FBXL7: variants seen among roughly 807,000 people sequenced by gnomAD.
FBXL7 encodes F-box/LRR-repeat protein 7.
FBXL7 carries 12 observed loss-of-function variants against 38.3 expected under a neutral mutation model. That is an observed-to-expected ratio of 0.31 (90% CI 0.20 to 0.51). The LOEUF is 0.51. Among genes scored for constraint, FBXL7 ranks in the 20% least tolerant of loss-of-function variants. The pLI, the probability that FBXL7 is intolerant of heterozygous loss-of-function variation, is 0.98. For missense variants in FBXL7, 567 were observed against 676.4 expected, an observed-to-expected ratio of 0.84 and a Z score of 1.79; for synonymous variants, 297 against 300.9, an observed-to-expected ratio of 0.99 and a Z score of 0.13.
At chr5:15,618,327 A>G (rs1418780447) in intron 2 of FBXL7, among the ~76,000 whole-genome samples, 1 of 152,200 alleles carries the variant, frequency 6.6e-6, no homozygotes, top group Non-Finnish European at 1.5e-5. Flanking sequence ...TCCCTATGAA[A>G]GATGCTGCCC....
chr5:15,709,640 C>G (rs1008737727), intron 2 of FBXL7, among the ~76,000 whole-genome samples: 1 of 151,774 alleles, frequency 6.6e-6, no homozygotes, highest in African/African-American at 2.4e-5. Flanking sequence ...GTCTTAGACA[C>G]CATGATCGTT....
chr5:15,722,021 G>A (rs776808734), intron 2 of FBXL7, among the ~76,000 whole-genome samples: 7 of 152,206 alleles, frequency 4.6e-5, no homozygotes, highest in Non-Finnish European at 1.0e-4. Context: ...TTGTAGTAGA[G>A]ACGGGGTTTC....
At chr5:15,824,755 T>G (rs1177950977) in intron 2 of FBXL7, among the ~76,000 whole-genome samples, 1 of 152,152 alleles carries the variant, frequency 6.6e-6, no homozygotes, top group Non-Finnish European at 1.5e-5. Context: ...CACTGGATGT[T>G]TTTTACACTA....
At chr5:15,731,775 T>G (rs1402081866) in intron 2 of FBXL7, among the ~76,000 whole-genome samples, 1 of 152,198 alleles carries the variant, frequency 6.6e-6, no homozygotes, top group Non-Finnish European at 1.5e-5. Context: ...ATTTTCTTGA[T>G]GAATCCCCGA....
intron 2 of FBXL7, among the ~76,000 whole-genome samples, chr5:15,851,484 T>A (rs959154930): frequency 6.6e-6 from 1 of 152,106 alleles, no homozygotes; most frequent in Non-Finnish European, 1.5e-5. Flanking sequence ...CTTAAATTAA[T>A]GAAATAATGG....
chr5:15,635,980 C>T (rs187127978), intron 2 of FBXL7, among the ~76,000 whole-genome samples: 161 of 150,972 alleles, frequency 1.1e-3, no homozygotes, highest in African/African-American at 3.8e-3. Context: ...GTAATAGTCT[C>T]TGAACTATTT....
chr5:15,761,243 A>G (rs1736431924), intron 2 of FBXL7, among the ~76,000 whole-genome samples: 1 of 152,134 alleles, frequency 6.6e-6, no homozygotes, highest in East Asian at 1.9e-4. Flanking sequence ...TTTTTTGAGT[A>G]GGTAATTTCC....
At chr5:15,765,203 C>A (rs929428172) in intron 2 of FBXL7, among the ~76,000 whole-genome samples, 10 of 152,060 alleles carry the variant, frequency 6.6e-5, no homozygotes, top group Admixed American at 2.0e-4. Context: ...CCGGATTTGA[C>A]CTGAGAGCTA....
At chr5:15,500,779 G>T in intron 1 of FBXL7, 66 bp downstream of exon 1, 1 of 1,568,482 alleles carries the variant, frequency 6.4e-7, no homozygotes, top group Non-Finnish European at 8.7e-7. Flanking sequence ...TCGCCCTCCC[G>T]ACTGGGAAGG....
chr5:15,794,246 G>A (rs1737356714), intron 2 of FBXL7, among the ~76,000 whole-genome samples: 1 of 152,182 alleles, frequency 6.6e-6, no homozygotes, highest in Non-Finnish European at 1.5e-5. Flanking sequence ...CAGTTCCATA[G>A]AAAGTTTTTA....
At chr5:15,881,333 A>G (rs1463419061) in intron 2 of FBXL7, among the ~76,000 whole-genome samples, 2 of 152,136 alleles carry the variant, frequency 1.3e-5, no homozygotes, top group Non-Finnish European at 1.5e-5. Context: ...AGTACCATCC[A>G]CGTTGCTGCA....
At chr5:15,912,772 A>C (rs1315167158) in intron 2 of FBXL7, among the ~76,000 whole-genome samples, 1 of 152,032 alleles carries the variant, frequency 6.6e-6, no homozygotes, top group African/African-American at 2.4e-5. Context: ...ACCCACCGAA[A>C]CGCCAGTCTT....
At chr5:15,607,991 G>A (rs1561049162) in intron 1 of FBXL7, among the ~76,000 whole-genome samples, 1 of 152,192 alleles carries the variant, frequency 6.6e-6, no homozygotes, top group East Asian at 1.9e-4. Context: ...CCTAATGGGG[G>A]TTTAGCTATT....
intron 2 of FBXL7, among the ~76,000 whole-genome samples, chr5:15,640,959 A>T (rs1741348558): frequency 6.6e-6 from 1 of 152,106 alleles, no homozygotes; most frequent in Non-Finnish European, 1.5e-5. Flanking sequence ...CGTGTAGCTT[A>T]AGGACATGCT....
At chr5:15,931,830 G>A (rs748485474) in intron 3 of FBXL7, among the ~76,000 whole-genome samples, 23 of 152,092 alleles carry the variant, frequency 1.5e-4, no homozygotes, top group Middle Eastern at 3.4e-3. Context: ...GCCCCTCCTC[G>A]AGAACTCTCT....
chr5:15,780,348 C>A (rs939663326), intron 2 of FBXL7, among the ~76,000 whole-genome samples: 1 of 151,728 alleles, frequency 6.6e-6, no homozygotes, highest in African/African-American at 2.4e-5. Flanking sequence ...ACCAAAAAAC[C>A]CCACTATACA....
intron 2 of FBXL7, among the ~76,000 whole-genome samples, chr5:15,810,891 A>T (rs954650771): frequency 6.6e-6 from 1 of 152,224 alleles, no homozygotes; most frequent in South Asian, 2.1e-4. Flanking sequence ...CACTTAACAC[A>T]TATCTCTCAA....
At chr5:15,935,799 C>G (rs1375187293) in intron 3 of FBXL7, among the ~76,000 whole-genome samples, 1 of 152,208 alleles carries the variant, frequency 6.6e-6, no homozygotes, top group East Asian at 1.9e-4. Flanking sequence ...TATCTGTTCT[C>G]TCATTGCATC....
intron 2 of FBXL7, among the ~76,000 whole-genome samples, chr5:15,674,976 G>A (rs530538296): frequency 1.3e-5 from 2 of 152,162 alleles, no homozygotes; most frequent in Non-Finnish European, 2.9e-5. Flanking sequence ...TCTGTGTTAT[G>A]TGAATGAACC....
Sources: allele counts gnomAD v4.1 joint callset (sites outside exome capture counted in the v4.1 genomes callset), GRCh38; gene constraint gnomAD v4.1.1; transcripts MANE v1.5; gene names NCBI Gene and HGNC (gene_info 2026-07-23, HGNC 2026-07-21).